KLF7: variants seen among roughly 807,000 people sequenced by gnomAD.
KLF7 encodes the protein KLF transcription factor 7, also known as Krueppel-like factor 7.
In KLF7, 2 loss-of-function variants were observed where a neutral mutation model predicts 27.3. That is an observed-to-expected ratio of 0.07 (90% CI 0.03 to 0.23). KLF7 has a LOEUF of 0.23. Ranked by LOEUF, KLF7 falls within the 10% of genes least tolerant of loss-of-function variation. The probability of loss-of-function intolerance (pLI) is 1.00; values close to 1 mark genes in which losing one functional copy is unlikely to be tolerated. For synonymous variants in KLF7, 165 were observed against 162.4 expected (o/e 1.02, Z -0.12); for missense variants, 221 against 394.1 (o/e 0.56, Z 3.72).
intron 1 of KLF7, among the ~76,000 whole-genome samples, chr2:207,162,101 T>C (rs190100721): frequency 1.4e-3 from 217 of 152,322 alleles, no homozygotes; most frequent in African/African-American, 4.9e-3. Flanking sequence ...CTAAAAGTCT[T>C]TGTATATTCA....
rs770163646 is a variant in KLF7, at chr2:207,123,827, C to T, written c.680G>A (p.Arg227Gln). 7 of 1,614,080 alleles carry T rather than the reference C, an allele frequency of 4.3e-6. No homozygotes were observed. The highest frequency in any genetic ancestry group is 3.3e-5 in the Admixed American group (2 of 60,026). Residue 227 changes from arginine (R) to glutamine (Q), a missense_variant, in exon 2 of 4, where the codon CGG becomes CAG. By Grantham distance (43) the Arg-to-Gln change is conservative. This residue lies in a region of KLF7 where 30 missense variants were observed against 115.4 expected (regional missense o/e 0.26). Coordinates refer to ENST00000309446, the MANE Select transcript of KLF7 (RefSeq NM_003709.4). ...GTGGGAGCTTTTTGTATAAACTTTCCGGCACCCGTTAAACTGACAGCGGTG... is the reference window on the plus strand; with the variant it reads ...GTGGGAGCTTTTTGTATAAACTTTCTGGCACCCGTTAAACTGACAGCGGTG... ...RVHRCQFNGCRKVYTKSSHLK... is the reference protein window; with the variant it reads ...RVHRCQFNGCQKVYTKSSHLK...
intron 2 of KLF7, among the ~76,000 whole-genome samples, chr2:207,116,748 CTTCTT>C (rs2077198941): frequency 6.6e-6 from 1 of 152,182 alleles, no homozygotes; most frequent in African/African-American, 2.4e-5. Flanking sequence ...TCATGACCCT[CTTCTT>C]TTCTTCTCTA....
At chr2:207,113,450 T>C (rs1353424616) in intron 2 of KLF7, among the ~76,000 whole-genome samples, 1 of 152,082 alleles carries the variant, frequency 6.6e-6, no homozygotes, top group Non-Finnish European at 1.5e-5. Context: ...TATGCTCCAT[T>C]AATTGCCAGC....
chr2:207,081,202 C>T lies in KLF7; in HGVS notation c.*11G>A, dbSNP rs754990615. The T allele has an allele frequency of 6.2e-7, 1 of 1,613,640 alleles. No individual in the cohort carries two copies. The highest frequency in any genetic ancestry group is 1.3e-5 in the African/African-American group (1 of 75,028). The stretch of plus-strand genomic sequence containing the variant: ...TAGCCGATGCCATGGCAACTCTGGC[C>T]TTTCGGTTTTTTAGATATGTCTCTT... On this transcript the variant is annotated 3_prime_UTR_variant, in exon 4 of 4. Transcript: ENST00000309446.
chr2:207,093,904 T>A (rs969740724), intron 2 of KLF7, among the ~76,000 whole-genome samples: 4 of 152,184 alleles, frequency 2.6e-5, no homozygotes, highest in Non-Finnish European at 4.4e-5. Flanking sequence ...TGTGGTAAGT[T>A]TTCCTTTACC....
At chr2:207,081,311 G>A in intron 3 of KLF7, 47 bp from the exon 4 acceptor site, 1 of 1,447,702 alleles carries the variant, frequency 6.9e-7, no homozygotes, top group Non-Finnish European at 9.7e-7. Flanking sequence ...CCAGCAAACA[G>A]CTTGACTTGC....
chr2:207,167,759 G>A (rs756894354), upstream of KLF7, among the ~76,000 whole-genome samples: 1 of 152,228 alleles, frequency 6.6e-6, no homozygotes. Context: ...TACTGGGTCA[G>A]AACTTGTATC....
At chr2:207,169,911 A>G (rs2078774185), upstream of KLF7, among the ~76,000 whole-genome samples, 1 of 152,266 alleles carries the variant, frequency 6.6e-6, no homozygotes, top group South Asian at 2.1e-4. Flanking sequence ...AGGCCTCCCT[A>G]TTCGTTAAGA....
At chr2:207,158,005 T>G (rs1179732599) in intron 1 of KLF7, among the ~76,000 whole-genome samples, 1 of 148,544 alleles carries the variant, frequency 6.7e-6, no homozygotes, top group Non-Finnish European at 1.5e-5. Context: ...TCTTGCTTGT[T>G]GCTTATTTCT....
rs1005698346 is a variant in KLF7, at chr2:207,160,372, G to A, written c.102+5095C>T. Among the ~76,000 whole-genome samples the A allele has an allele frequency of 7.9e-5, 12 of 152,274 alleles. No homozygotes were observed. In the South Asian group the frequency reaches 8.3e-4, roughly 11 times the overall value. ...AGCTGTCCTAAACTTTCAGCAAATCGCAGTTCTAACACATAGGCTAACTGA... is the reference window on the plus strand; with the variant it reads ...AGCTGTCCTAAACTTTCAGCAAATCACAGTTCTAACACATAGGCTAACTGA... On this transcript the variant is annotated intron_variant, in intron 1 of 3. Transcript: ENST00000309446.
chr2:207,157,793 T>C (rs2078431494), intron 1 of KLF7, among the ~76,000 whole-genome samples: 1 of 152,212 alleles, frequency 6.6e-6, no homozygotes, highest in Admixed American at 6.5e-5. Context: ...TTAGATCTTT[T>C]CACCTAATTT....
At chr2:207,106,603 C>T (rs2076889639) in intron 2 of KLF7, among the ~76,000 whole-genome samples, 1 of 152,164 alleles carries the variant, frequency 6.6e-6, no homozygotes, top group South Asian at 2.1e-4. Flanking sequence ...GTCACAACAG[C>T]CTTTCTCCAT....
intron 2 of KLF7, among the ~76,000 whole-genome samples, chr2:207,102,300 G>A (rs1275988100): frequency 6.6e-6 from 1 of 152,012 alleles, no homozygotes; most frequent in Non-Finnish European, 1.5e-5. Flanking sequence ...TGAACTCACA[G>A]CTACAAAATA....
rs201781963 is a variant in KLF7 at position 207,124,249 on chromosome 2, C to T, written c.258G>A (p.Ala86=). 44 of 1,614,042 alleles carry T rather than the reference C, an allele frequency of 2.7e-5. No homozygotes were observed. In the East Asian group the frequency reaches 6.2e-4, roughly 23 times the overall value. ...RLDPLLLPVE[A]AICEKSSAVD... ...CTGCCGAGCTCTTCTCACAGATGGC[C>T]GCTTCCACGGGGAGCAGCAGGGGGT... Residue 86 remains alanine (A), a synonymous_variant, in exon 2 of 4, where the codon GCG becomes GCA. Coordinates refer to ENST00000309446, the MANE Select transcript of KLF7 (RefSeq NM_003709.4).
At chr2:207,088,084 G>A (rs927311656) in intron 3 of KLF7, among the ~76,000 whole-genome samples, 21 of 152,120 alleles carry the variant, frequency 1.4e-4, no homozygotes, top group African/African-American at 5.1e-4. Flanking sequence ...TATAGATGAG[G>A]GAAAGTGGTA....
intron 3 of KLF7, among the ~76,000 whole-genome samples, chr2:207,087,805 C>T (rs2076424783): frequency 6.6e-6 from 1 of 152,134 alleles, no homozygotes; most frequent in Non-Finnish European, 1.5e-5. Flanking sequence ...GATACTATTA[C>T]TTGGGTAGTA....
chr2:207,121,502 C>T (rs2077339530), intron 2 of KLF7: 1 of 152,170 alleles, frequency 6.6e-6, no homozygotes, highest in Non-Finnish European at 1.5e-5. Flanking sequence ...ATTGTCTCTA[C>T]TTTAGAAATG....
chr2:207,152,297 A>G (rs866398313), intron 1 of KLF7, among the ~76,000 whole-genome samples: 78 of 56,124 alleles, frequency 1.4e-3, no homozygotes, highest in African/African-American at 2.8e-3. Flanking sequence ...ACACACACAC[A>G]CACACACACA....
At chr2:207,133,845 C>A (rs887566702) in intron 1 of KLF7, among the ~76,000 whole-genome samples, 1 of 152,160 alleles carries the variant, frequency 6.6e-6, no homozygotes, top group Non-Finnish European at 1.5e-5. Flanking sequence ...TCTCATTCCT[C>A]CCCCCAGTGG....
Sources: allele counts gnomAD v4.1 joint callset (sites outside exome capture counted in the v4.1 genomes callset), GRCh38; gene constraint gnomAD v4.1.1; regional missense constraint gnomAD v4.1.1; transcripts MANE v1.5; gene names NCBI Gene and HGNC (gene_info 2026-07-23, HGNC 2026-07-21).